Variants in COL11A2 observed in about 807,000 individuals in gnomAD.
The protein encoded by COL11A2 is collagen type XI alpha 2 chain, also known as collagen alpha-2(XI) chain.
In COL11A2, 116 loss-of-function variants were observed where a neutral mutation model predicts 273.4. The ratio of observed to expected loss-of-function variants is 0.42; its 90% CI spans 0.36 to 0.49. COL11A2 has a LOEUF of 0.49. COL11A2 is among the 20% of genes least tolerant of loss of function. The pLI is 0.00. For missense variants in COL11A2, 1,866 were observed against 2,309.0 expected, an observed-to-expected ratio of 0.81 and a Z score of 3.93; for synonymous variants, 782 against 864.2, an observed-to-expected ratio of 0.90 and a Z score of 1.67.
At chr6:33,185,087 C>G in intron 6 of COL11A2, 33 bp from the exon 7 acceptor site, 1 of 1,502,504 alleles carries the variant, frequency 6.7e-7, no homozygotes, top group African/African-American at 1.4e-5. Flanking sequence ...AAGAGTAGCA[C>G]GGGGTGGGAA....
Position 33,179,009 on chromosome 6 carries a change from C to A in COL11A2, c.1612-36G>T. 6.2e-7 allele frequency: 1 copy of A among 1,614,014 alleles called. No homozygotes were observed. Among genetic ancestry groups the A allele is most frequent in the Non-Finnish European group, 8.5e-7 (1 of 1,179,916 alleles). On this transcript the variant is annotated intron_variant, in intron 16 of 65. Coordinates refer to ENST00000341947, the MANE Select transcript of COL11A2 (RefSeq NM_080680.3). This position sits in a 1 kb window ranked among gnomAD's most constrained non-coding sequence, Gnocchi z 6.4. ...AAGGGAAGTGTCAGAACAAGCAGGGCCGCAGTCCCCTACCCTGCAGGCCCT... is the reference window on the plus strand; with the variant it reads ...AAGGGAAGTGTCAGAACAAGCAGGGACGCAGTCCCCTACCCTGCAGGCCCT...
In COL11A2 at chr6:33,165,967, C is replaced by T. The variant is rs1769068750; in HGVS notation, c.4446G>A (p.Lys1482=). The T allele has an allele frequency of 8.1e-6, 13 of 1,613,934 alleles. No homozygotes were observed. The highest frequency in any genetic ancestry group is 1.7e-5 in the Admixed American group (1 of 60,002). Residue 1482 remains lysine, a synonymous_variant, in exon 62 of 66, where the codon AAG becomes AAA. Transcript: ENST00000341947. The surrounding 1 kb of genome is among the most constrained non-coding windows in gnomAD (Gnocchi z 7.7). ...GAGGGCCCTGCACACCCTTCTCTCC[C>T]TTGGGTCCGCCTGGGCCCTGACAAG... ...AKGATGPGGP[K]GEKGVQGPPG...
In COL11A2 at chr6:33,179,410, C is replaced by T; in HGVS notation, c.1503+21G>A. ...CACACACAATTAAAGCATCCTCCAC[C>T]CGAGCACCCTGCTCACTCACCAAGG... On this transcript the variant is annotated intron_variant, in intron 14 of 65. Transcript: ENST00000341947. This position sits in a 1 kb window ranked among gnomAD's most constrained non-coding sequence, Gnocchi z 6.4. 6.4e-7 allele frequency: 1 copy of T among 1,568,126 alleles called. No homozygotes were observed. The highest frequency in any genetic ancestry group is 8.6e-7 in the Non-Finnish European group (1 of 1,156,706).
At position 33,179,101 on chromosome 6, in the gene COL11A2, G is replaced by A; in HGVS notation, c.1583C>T (p.Thr528Ile). Reference sequence around the variant, plus strand: ...TCGCCCAGCCTTGCCAGGAGGGCCTGTGAGGCCCTGAGGTCCTCTGGGGCC... The same window carrying A: ...TCGCCCAGCCTTGCCAGGAGGGCCTATGAGGCCCTGAGGTCCTCTGGGGCC... ...PQGPRGPQGL[T>I]GPPGKAGRRG... The change falls in exon 16 of 66, where the codon ACA becomes ATA. Residue 528 changes from threonine (T) to isoleucine (I), a missense_variant. Coordinates refer to ENST00000341947, the MANE Select transcript of COL11A2 (RefSeq NM_080680.3). The surrounding 1 kb of genome is among the most constrained non-coding windows in gnomAD (Gnocchi z 6.4). 1 of 1,613,862 alleles carries A rather than the reference G, an allele frequency of 6.2e-7. No homozygotes were observed. The highest frequency in any genetic ancestry group is 8.5e-7 in the Non-Finnish European group (1 of 1,179,796).
At position 33,176,352 on chromosome 6, in the gene COL11A2, G is replaced by A; in HGVS notation, c.2170-49C>T. The stretch of plus-strand genomic sequence containing the variant: ...GTAGACTGATCAGGGGATGGAGGTG[G>A]GTTGGAAGGACCAAGCTCCTAAGAC... On this transcript the variant is annotated intron_variant, in intron 27 of 65. Coordinates refer to ENST00000341947, the MANE Select transcript of COL11A2 (RefSeq NM_080680.3). The surrounding 1 kb of genome is among the most constrained non-coding windows in gnomAD (Gnocchi z 4.9). 2 of 1,600,936 alleles carry A rather than the reference G, an allele frequency of 1.2e-6. No homozygotes were observed. Among genetic ancestry groups the A allele is most frequent in the Non-Finnish European group, 1.7e-6 (2 of 1,173,160 alleles).
rs1252912060 is a variant in COL11A2 at position 33,178,664 on chromosome 6, CA to C, written c.1719+14del. 1.2e-6 allele frequency: 2 copies of C among 1,612,650 alleles called. No homozygotes were observed. The highest frequency in any genetic ancestry group is 1.7e-6 in the Non-Finnish European group (2 of 1,179,880). ...TCTATCCCCAATTACAACACACACCCACTAATGTACTCACCCTATGGCCCTT... is the reference window on the plus strand; with the variant it reads ...TCTATCCCCAATTACAACACACACCCCTAATGTACTCACCCTATGGCCCTT... On this transcript the variant is annotated intron_variant, in intron 18 of 65. Transcript: ENST00000341947. This position sits in a 1 kb window ranked among gnomAD's most constrained non-coding sequence, Gnocchi z 4.6.
In COL11A2 at chr6:33,172,386, GA is replaced by G. The variant is rs397517477; in HGVS notation, c.2899-9del. The G allele has an allele frequency of 7.3e-4, 1,149 of 1,581,556 alleles. 11 individuals are homozygous for G. In the African/African-American group the frequency reaches 0.014, roughly 20 times the overall value. On this transcript the variant is annotated splice_polypyrimidine_tract_variant and intron_variant, in intron 39 of 65. Coordinates refer to ENST00000341947, the MANE Select transcript of COL11A2 (RefSeq NM_080680.3). ...AGGGGGACCAGGGTCACCCTAAAAG[GA>G]AAGGAGAGGTGATGAGCCACAGCCA...
intron 52 of COL11A2, 57 bp downstream of exon 52, chr6:33,168,898 A>AG: frequency 9.2e-6 from 14 of 1,519,558 alleles, no homozygotes; most frequent in Non-Finnish European, 1.2e-5. Context: ...CACACAGAGG[A>AG]CCCCCCCATA....
rs774371844 is a variant in COL11A2, at chr6:33,177,471, AACAGGTG to A, written c.1918-13_1918-7del. ...CCTGGCTCTCCCTGGGGTCCCTAGA[AACAGGTG>A]ACCAGGCACAGGTCAGAAGGAGATG... On this transcript the variant is annotated splice_polypyrimidine_tract_variant and splice_region_variant and intron_variant, in intron 22 of 65. Coordinates refer to ENST00000341947, the MANE Select transcript of COL11A2 (RefSeq NM_080680.3). This position sits in a 1 kb window ranked among gnomAD's most constrained non-coding sequence, Gnocchi z 5.9. 2 of 1,612,916 alleles carry A rather than the reference AACAGGTG, an allele frequency of 1.2e-6. No homozygotes were observed. Among genetic ancestry groups the A allele is most frequent in the Non-Finnish European group, 1.7e-6 (2 of 1,179,958 alleles).
intron 3 of COL11A2, among the ~76,000 whole-genome samples, 158 bp from the exon 4 acceptor site, chr6:33,188,682 A>G (rs1458130172): frequency 6.6e-6 from 1 of 152,256 alleles, no homozygotes; most frequent in Non-Finnish European, 1.5e-5. Context: ...ACCAGACACC[A>G]TGCCGTCACT....
rs1769143694 is a variant in COL11A2, at chr6:33,166,352, C to T, written c.4393-146G>A. 1.6e-6 allele frequency: 2 copies of T among 1,287,698 alleles called. No individual in the cohort carries two copies. Among genetic ancestry groups the T allele is most frequent in the Non-Finnish European group, 2.1e-6 (2 of 930,624 alleles). The allele number at this position is 1,287,698 out of a possible 1,614,324, so 79.8% of individuals were successfully genotyped here. ...GTGGGAATACTAGGACATTCAGAGC[C>T]CTGGAAGTATGGGGAGGAGGTACTG... On this transcript the variant is annotated intron_variant, in intron 60 of 65. Coordinates refer to ENST00000341947, the MANE Select transcript of COL11A2 (RefSeq NM_080680.3). This position sits in a 1 kb window ranked among gnomAD's most constrained non-coding sequence, Gnocchi z 4.8.
At position 33,189,270 on chromosome 6, in the gene COL11A2, G is replaced by T; in HGVS notation, c.232+50C>A. 6.2e-7 allele frequency: 1 copy of T among 1,613,682 alleles called. No homozygotes were observed. The highest frequency in any genetic ancestry group is 8.5e-7 in the Non-Finnish European group (1 of 1,179,730). On this transcript the variant is annotated intron_variant, in intron 2 of 65. Coordinates refer to ENST00000341947, the MANE Select transcript of COL11A2 (RefSeq NM_080680.3). The surrounding 1 kb of genome is among the most constrained non-coding windows in gnomAD (Gnocchi z 5.6). The stretch of plus-strand genomic sequence containing the variant: ...CTTTCCTCCTGGTGTCTGATCCTAG[G>T]CCCCATCCCATTACCTCCCCCCAGG...
chr6:33,187,195 G>T (rs757274242), intron 4 of COL11A2, among the ~76,000 whole-genome samples: 6 of 152,284 alleles, frequency 3.9e-5, no homozygotes, highest in Admixed American at 1.3e-4. Flanking sequence ...TTCCACAGTG[G>T]CTTCCAGAGA....
At position 33,176,248 on chromosome 6, in the gene COL11A2, A is replaced by T; in HGVS notation, c.2214+11T>A. 6.2e-7 allele frequency: 1 copy of T among 1,608,526 alleles called. No individual in the cohort carries two copies. Among genetic ancestry groups the T allele is most frequent in the Non-Finnish European group, 8.5e-7 (1 of 1,177,782 alleles). The stretch of plus-strand genomic sequence containing the variant: ...ACTGAGGTGCTGGGAAGCTGGGGGC[A>T]TGGTGCTCACCTTCTCACCCTTATG... On this transcript the variant is annotated intron_variant, in intron 28 of 65. Coordinates refer to ENST00000341947, the MANE Select transcript of COL11A2 (RefSeq NM_080680.3). The surrounding 1 kb of genome is among the most constrained non-coding windows in gnomAD (Gnocchi z 4.9).
At position 33,171,833 on chromosome 6, in the gene COL11A2, A is replaced by T; in HGVS notation, c.3043-13T>A. ...CCCCAGGGGAGCCCTGAGAAAGCAGATGGTCAGACCCCCAGGAAGGAGACA... is the reference window on the plus strand; with the variant it reads ...CCCCAGGGGAGCCCTGAGAAAGCAGTTGGTCAGACCCCCAGGAAGGAGACA... On this transcript the variant is annotated splice_polypyrimidine_tract_variant and intron_variant, in intron 41 of 65. Transcript: ENST00000341947. 6.2e-7 allele frequency: 1 copy of T among 1,612,380 alleles called. No individual in the cohort carries two copies.
Position 33,184,227 on chromosome 6 carries a change from T to A in COL11A2, c.1037A>T (p.Tyr346Phe), listed in dbSNP as rs1166947880. 7.3e-7 allele frequency: 1 copy of A among 1,367,474 alleles called. No homozygotes were observed. Among genetic ancestry groups the A allele is most frequent in the African/African-American group, 1.5e-5 (1 of 67,688 alleles). 84.7% of individuals were successfully genotyped at this position (1,367,474 alleles called of 1,614,324 possible). ...ATAATCATCCCCATAGCCATAGGTG[T>A]AATCGTAGGGCCCTTCAGGGGGGTC... ...GTDPPEGPYD[Y>F]TYGYGDDYRE... The change falls in exon 8 of 66, where the codon TAC becomes TTC. Residue 346 changes from tyrosine to phenylalanine, a missense_variant. Tyr to Phe is a conservative substitution (Grantham distance 22). Transcript: ENST00000341947.
rs982526694 is a variant in COL11A2 at position 33,168,690 on chromosome 6, G to T, written c.3906+16C>A. ...GGCTTGGGCTCAGGGGGGTGGTGGG[G>T]TCACCAGGCACTCACAGGCTGTCCT... is the stretch of plus-strand genomic sequence containing the variant. On this transcript the variant is annotated intron_variant, in intron 53 of 65. Transcript: ENST00000341947. 6.3e-7 allele frequency: 1 copy of T among 1,589,976 alleles called. No homozygotes were observed. The highest frequency in any genetic ancestry group is 8.6e-7 in the Non-Finnish European group (1 of 1,167,800).
At chr6:33,187,169 G>A (rs1772538429) in intron 4 of COL11A2, among the ~76,000 whole-genome samples, 1 of 152,172 alleles carries the variant, frequency 6.6e-6, no homozygotes, top group African/African-American at 2.4e-5. Context: ...TGCGCTTTGT[G>A]GCAATGCATG....
In COL11A2 at chr6:33,166,774, C is replaced by T; in HGVS notation, c.4284G>A (p.Lys1428=). 1 of 1,613,538 alleles carries T rather than the reference C, an allele frequency of 6.2e-7. No homozygotes were observed. The highest frequency in any genetic ancestry group is 1.1e-5 in the South Asian group (1 of 91,092). The change falls in exon 59 of 66, where the codon AAG becomes AAA. Residue 1428 remains lysine (K), a synonymous_variant. Transcript: ENST00000341947. The surrounding 1 kb of genome is among the most constrained non-coding windows in gnomAD (Gnocchi z 4.8). Reference sequence around the variant, plus strand: ...GAGGCCCAGGAAGTCCCCGATCTCCCTTCTCTCCCTGCTCACCCGGGGGCC... The same window carrying T: ...GAGGCCCAGGAAGTCCCCGATCTCCTTTCTCTCCCTGCTCACCCGGGGGCC... The part of the protein sequence containing the change: ...LIGPPGEQGE[K]GDRGLPGPQG...
Sources: gnomAD v4.1 joint callset for allele counts (sites outside exome capture counted in the v4.1 genomes callset) on GRCh38, gnomAD v4.1.1 for gene constraint, Gnocchi (gnomAD v3.1) non-coding constraint, MANE v1.5 for transcripts, NCBI Gene and HGNC (gene_info 2026-07-23, HGNC 2026-07-21) for gene names.